Variants in FHIT observed in about 807,000 individuals in gnomAD.
The protein encoded by FHIT is fragile histidine triad diadenosine triphosphatase.
FHIT carries 19 observed loss-of-function variants against 17.9 expected under a neutral mutation model. The ratio of observed to expected loss-of-function variants is 1.06; its 90% CI spans 0.74 to 1.56. FHIT has a LOEUF of 1.56. Ranked by LOEUF, FHIT falls within the 40% of genes most tolerant of loss-of-function variation. The pLI is 0.00. For missense variants in FHIT, 248 were observed against 189.2 expected, an observed-to-expected ratio of 1.31 and a Z score of -1.82; for synonymous variants, 81 against 69.7, an observed-to-expected ratio of 1.16 and a Z score of -0.81.
At chr3:60,108,851 C>G (rs139346981) in intron 5 of FHIT, among the ~76,000 whole-genome samples, 1 of 151,928 alleles carries the variant, frequency 6.6e-6, no homozygotes, top group Non-Finnish European at 1.5e-5. Context: ...GTAGTAGAGA[C>G]GGGGTTTCTC....
At chr3:61,097,758 A>C (rs2035688372) in intron 2 of FHIT, among the ~76,000 whole-genome samples, 1 of 152,066 alleles carries the variant, frequency 6.6e-6, no homozygotes, top group Admixed American at 6.5e-5. Context: ...CTTCTTTTGA[A>C]AAGTGTTTGT....
chr3:60,376,628 T>C (rs1391522435), intron 5 of FHIT, among the ~76,000 whole-genome samples: 1 of 152,192 alleles, frequency 6.6e-6, no homozygotes, highest in East Asian at 1.9e-4. Flanking sequence ...ACAATTTAGC[T>C]CAGGATGTAT....
chr3:60,329,837 G>T (rs952752586), intron 5 of FHIT, among the ~76,000 whole-genome samples: 6 of 152,228 alleles, frequency 3.9e-5, no homozygotes, highest in Admixed American at 1.3e-4. Context: ...CACACTTTGT[G>T]GCTACTAGTG....
chr3:60,282,743 C>T (rs990090490), intron 5 of FHIT, among the ~76,000 whole-genome samples: 1 of 152,044 alleles, frequency 6.6e-6, no homozygotes, highest in Non-Finnish European at 1.5e-5. Context: ...CACAATTTTT[C>T]TGAAAATCTA....
At chr3:59,878,071 A>G (rs896760317) in intron 8 of FHIT, among the ~76,000 whole-genome samples, 5 of 152,242 alleles carry the variant, frequency 3.3e-5, no homozygotes, top group African/African-American at 1.2e-4. Flanking sequence ...TAGTTGTACC[A>G]TTATTAGAAA....
At chr3:61,112,493 T>G (rs563772596) in intron 2 of FHIT, among the ~76,000 whole-genome samples, 18 of 152,306 alleles carry the variant, frequency 1.2e-4, no homozygotes, top group African/African-American at 4.1e-4. Context: ...GGTCCCTTTC[T>G]GAGTTATTCA....
In FHIT at chr3:60,782,083, T is replaced by C. The variant is rs1575517491; in HGVS notation, c.-18+39836A>G. Among the ~76,000 whole-genome samples the C allele has an allele frequency of 2.0e-5, 3 of 152,260 alleles. 1 individual carries two copies. The highest frequency in any genetic ancestry group is 7.2e-5 in the African/African-American group (3 of 41,572). Reference sequence around the variant, plus strand: ...CTTCTATGAGTTTGATTGTTTTAGATTCCACTTGTAAGTGAGAACATATGG... The same window carrying C: ...CTTCTATGAGTTTGATTGTTTTAGACTCCACTTGTAAGTGAGAACATATGG... On this transcript the variant is annotated intron_variant, in intron 4 of 9. Transcript: ENST00000492590.
At chr3:61,198,519 GA>G (rs71629121) in intron 2 of FHIT, among the ~76,000 whole-genome samples, 7 of 150,186 alleles carry the variant, frequency 4.7e-5, no homozygotes, top group Non-Finnish European at 8.9e-5. Flanking sequence ...ATACACGACA[GA>G]AAAAAAAAAT....
chr3:60,125,094 A>C (rs12106838), intron 5 of FHIT, among the ~76,000 whole-genome samples: 23,557 of 152,248 alleles, frequency 0.15, 1,910 homozygotes, highest in South Asian at 0.22. Context: ...AATGCATGCT[A>C]AACCAGCTGC....
intron 2 of FHIT, among the ~76,000 whole-genome samples, chr3:61,131,114 T>C (rs1222254741): frequency 6.6e-6 from 1 of 152,196 alleles, no homozygotes; most frequent in Non-Finnish European, 1.5e-5. Flanking sequence ...TACTATCCCT[T>C]AGAAGTAAAA....
chr3:60,058,094 G>A (rs1702153007), intron 5 of FHIT, among the ~76,000 whole-genome samples: 1 of 150,900 alleles, frequency 6.6e-6, no homozygotes, highest in African/African-American at 2.4e-5. Flanking sequence ...GTAGTCCGGG[G>A]AATAGGGAGT....
chr3:60,391,552 G>A (rs993651403), intron 5 of FHIT, among the ~76,000 whole-genome samples: 1 of 152,130 alleles, frequency 6.6e-6, no homozygotes, highest in Non-Finnish European at 1.5e-5. Flanking sequence ...CCCTGTACAG[G>A]TCTACCATTT....
chr3:61,132,550 G>A (rs757413573), intron 2 of FHIT, among the ~76,000 whole-genome samples: 4 of 152,206 alleles, frequency 2.6e-5, no homozygotes, highest in Non-Finnish European at 5.9e-5. Context: ...GATAAGGAGT[G>A]AGGGAATGCC....
At chr3:59,823,175 T>C (rs1700855091) in intron 8 of FHIT, among the ~76,000 whole-genome samples, 1 of 152,130 alleles carries the variant, frequency 6.6e-6, no homozygotes, top group Admixed American at 6.6e-5. Context: ...TTTTTAACCA[T>C]GCTGTTTTGG....
intron 5 of FHIT, among the ~76,000 whole-genome samples, chr3:60,226,472 C>CAAAAAAAAAAAAAAAAAA (rs1189100387): frequency 5.7e-5 from 4 of 70,148 alleles, no homozygotes; most frequent in African/African-American, 1.2e-4. Flanking sequence ...AACTCCGTCT[C>CAAAAAAAAAAAAAAAAAA]AAAAAAAAAA....
chr3:60,579,001 A>G (rs916271529), intron 4 of FHIT, among the ~76,000 whole-genome samples: 1 of 152,170 alleles, frequency 6.6e-6, no homozygotes, highest in Non-Finnish European at 1.5e-5. Flanking sequence ...ATGTTATCTC[A>G]AGAAATGCTG....
intron 5 of FHIT, among the ~76,000 whole-genome samples, chr3:60,438,428 T>G (rs570421282): frequency 6.6e-5 from 10 of 152,130 alleles, no homozygotes; most frequent in African/African-American, 2.4e-4. Context: ...AACTCCCTAT[T>G]GCCAGTCTTT....
At chr3:59,924,875 A>C (rs1705575985) in intron 7 of FHIT, among the ~76,000 whole-genome samples, 1 of 152,208 alleles carries the variant, frequency 6.6e-6, no homozygotes. Context: ...ATGCTGGTCT[A>C]ATGCCACACT....
intron 4 of FHIT, among the ~76,000 whole-genome samples, chr3:60,608,039 C>T (rs1344406066): frequency 6.6e-6 from 1 of 152,296 alleles, no homozygotes; most frequent in Non-Finnish European, 1.5e-5. Context: ...GTACTTCTCC[C>T]ATTCCAGAGA....
Sources: allele counts gnomAD v4.1 joint callset (sites outside exome capture counted in the v4.1 genomes callset), GRCh38; gene constraint gnomAD v4.1.1; transcripts MANE v1.5; gene names NCBI Gene and HGNC (gene_info 2026-07-23, HGNC 2026-07-21).